The following GLYATL2 variants were observed in gnomAD, a reference collection of about 807,000 sequenced individuals.
The protein encoded by GLYATL2 is glycine N-acyltransferase-like protein 2.
A neutral mutation model predicts 21.4 loss-of-function variants in GLYATL2; 25 were observed. The observed-to-expected ratio is 1.17, with a 90% CI of 0.85 to 1.63. The LOEUF (loss-of-function observed/expected upper bound fraction) is 1.63, where lower values mean the gene tolerates loss of function less well. Among genes scored for constraint, GLYATL2 ranks in the 40% most tolerant of loss-of-function variants. The pLI, the probability that GLYATL2 is intolerant of heterozygous loss-of-function variation, is 0.00. For synonymous variants in GLYATL2, 114 were observed against 118.2 expected, an observed-to-expected ratio of 0.96 and a Z score of 0.23; for missense variants, 361 against 343.3, an observed-to-expected ratio of 1.05 and a Z score of -0.41.
chr11:58,876,473 G>T (rs1482144618), intron 1 of GLYATL2, among the ~76,000 whole-genome samples: 1 of 152,224 alleles, frequency 6.6e-6, no homozygotes, highest in South Asian at 2.1e-4. Flanking sequence ...TTTTGGTGTG[G>T]ATGTCCTTTC....
At position 58,839,657 on chromosome 11, in the gene GLYATL2, G is replaced by A. The variant is rs114252117; in HGVS notation, c.-40-5C>T. On this transcript the variant is annotated splice_polypyrimidine_tract_variant and splice_region_variant and intron_variant, in intron 1 of 5. Transcript: ENST00000287275. ...TCTTTCCCTCAAGAAGATGATCTAA[G>A]GAAATAAACACAAAAACAAAAATAC... is the stretch of plus-strand genomic sequence containing the variant. 4.8e-4 allele frequency: 692 copies of A among 1,445,140 alleles called. 7 individuals are homozygous for A. In the African/African-American group the frequency reaches 8.9e-3, roughly 19 times the overall value. 89.5% of individuals were successfully genotyped at this position (1,445,140 alleles called of 1,614,324 possible).
At chr11:58,887,714 T>C (rs767075225) in intron 1 of GLYATL2, among the ~76,000 whole-genome samples, 1 of 152,220 alleles carries the variant, frequency 6.6e-6, no homozygotes, top group Non-Finnish European at 1.5e-5. Flanking sequence ...ATAGAGTCAA[T>C]GCAATGCTAT....
At chr11:58,896,295 C>T (rs923593440) in intron 1 of GLYATL2, among the ~76,000 whole-genome samples, 8 of 152,182 alleles carry the variant, frequency 5.3e-5, no homozygotes, top group African/African-American at 1.9e-4. Context: ...CACAACCAAT[C>T]CTCTGAGCCC....
At chr11:58,870,832 C>T (rs1365901776) in intron 1 of GLYATL2, among the ~76,000 whole-genome samples, 1 of 152,144 alleles carries the variant, frequency 6.6e-6, no homozygotes, top group Non-Finnish European at 1.5e-5. Flanking sequence ...CTCTAGCTTC[C>T]AAGCTGTCCT....
At chr11:58,891,220 T>A (rs1854538240) in intron 1 of GLYATL2, among the ~76,000 whole-genome samples, 1 of 152,164 alleles carries the variant, frequency 6.6e-6, no homozygotes, top group African/African-American at 2.4e-5. Context: ...TCCAACATAA[T>A]ATTAATACAT....
intron 1 of GLYATL2, among the ~76,000 whole-genome samples, chr11:58,855,098 TCTC>T (rs1853805931): frequency 6.6e-6 from 1 of 152,226 alleles, no homozygotes; most frequent in South Asian, 2.1e-4. Context: ...GATAGCTTGA[TCTC>T]CTCCCATGGA....
At chr11:58,877,253 C>T (rs1034769925) in intron 1 of GLYATL2, among the ~76,000 whole-genome samples, 4 of 152,218 alleles carry the variant, frequency 2.6e-5, no homozygotes, top group Non-Finnish European at 4.4e-5. Flanking sequence ...GGCGATGCCT[C>T]GCCCTGCTTT....
At chr11:58,848,816 C>G (rs1401427295), upstream of GLYATL2, among the ~76,000 whole-genome samples, 1 of 152,048 alleles carries the variant, frequency 6.6e-6, no homozygotes, top group Non-Finnish European at 1.5e-5. Context: ...GAGAACTTCC[C>G]CATACCAGAG....
upstream of GLYATL2, among the ~76,000 whole-genome samples, chr11:58,907,079 G>A (rs1854910108): frequency 2.0e-5 from 3 of 152,228 alleles, no homozygotes; most frequent in Non-Finnish European, 2.9e-5. Flanking sequence ...GGTACAGGGA[G>A]AGGGTTGGAG....
intron 1 of GLYATL2, among the ~76,000 whole-genome samples, chr11:58,873,977 C>G: frequency 6.6e-6 from 1 of 152,156 alleles, no homozygotes; most frequent in South Asian, 2.1e-4. Flanking sequence ...TGTTATTGGT[C>G]TATTGAGAGA....
chr11:58,858,975 G>A (rs2134592892), intron 1 of GLYATL2, among the ~76,000 whole-genome samples: 1 of 152,258 alleles, frequency 6.6e-6, no homozygotes, highest in South Asian at 2.1e-4. Context: ...TGAATGGTGA[G>A]CTGCCATTTT....
At chr11:58,894,111 G>A (rs184690094) in intron 1 of GLYATL2, among the ~76,000 whole-genome samples, 11 of 152,138 alleles carry the variant, frequency 7.2e-5, no homozygotes, top group Admixed American at 1.3e-4. Flanking sequence ...TTACTTCCTC[G>A]TCATTAGTGA....
chr11:58,901,857 A>AC (rs1288879290), intron 1 of GLYATL2, among the ~76,000 whole-genome samples: 1 of 151,990 alleles, frequency 6.6e-6, no homozygotes, highest in Admixed American at 6.6e-5. Context: ...TGATCACTCT[A>AC]CCCCCCATTC....
chr11:58,835,648 C>A (rs145382526), intron 5 of GLYATL2, among the ~76,000 whole-genome samples: 118 of 152,274 alleles, frequency 7.7e-4, no homozygotes, highest in Middle Eastern at 3.4e-3. Context: ...GCTAAGTTTT[C>A]TACGGGCGAT....
At chr11:58,904,273 A>AT (rs1432576168), upstream of GLYATL2, 1 of 152,128 alleles carries the variant, frequency 6.6e-6, no homozygotes, top group Admixed American at 6.5e-5. Context: ...TGCCAGAGAG[A>AT]TTTTTAAAAA....
upstream of GLYATL2, among the ~76,000 whole-genome samples, chr11:58,847,962 C>A (rs1323594955): frequency 6.6e-6 from 1 of 150,656 alleles, no homozygotes; most frequent in African/African-American, 2.4e-5. Context: ...GTCACTCCAC[C>A]CCCAATTTTA....
chr11:58,877,640 A>G (rs1014668632), intron 1 of GLYATL2, among the ~76,000 whole-genome samples: 2 of 152,272 alleles, frequency 1.3e-5, no homozygotes, highest in East Asian at 3.8e-4. Flanking sequence ...AAGAAAGTCC[A>G]TTAAAGAATG....
At chr11:58,867,344 G>C (rs750758168) in intron 1 of GLYATL2, among the ~76,000 whole-genome samples, 5 of 149,020 alleles carry the variant, frequency 3.4e-5, no homozygotes, top group African/African-American at 4.8e-5. Flanking sequence ...GTGGACTCTT[G>C]GCAGCGTGTA....
upstream of GLYATL2, among the ~76,000 whole-genome samples, chr11:58,845,256 C>A (rs1308331437): frequency 6.6e-6 from 1 of 152,178 alleles, no homozygotes; most frequent in East Asian, 1.9e-4. Context: ...AGAATCTGAT[C>A]AACATTACAT....
Sources: allele counts gnomAD v4.1 joint callset (sites outside exome capture counted in the v4.1 genomes callset), GRCh38; gene constraint gnomAD v4.1.1; transcripts MANE v1.5; gene names NCBI Gene and HGNC (gene_info 2026-07-23, HGNC 2026-07-21).